The following COMMD7 variants were observed in gnomAD, a reference collection of about 807,000 sequenced individuals.
COMMD7 encodes the protein COMM domain containing 7.
COMMD7 carries 28 observed loss-of-function variants against 34.8 expected under a neutral mutation model. The observed-to-expected ratio is 0.80, with a 90% CI of 0.60 to 1.10. COMMD7 has a LOEUF of 1.10. Ranked by LOEUF, COMMD7 falls within the 50% of genes least tolerant of loss-of-function variation. The pLI, the probability that COMMD7 is intolerant of heterozygous loss-of-function variation, is 0.00. For synonymous variants in COMMD7, 80 were observed against 86.4 expected (o/e 0.93, Z 0.41); for missense variants, 211 against 241.6 (o/e 0.87, Z 0.84).
In COMMD7 at chr20:32,743,352, C is replaced by A. The variant is rs905442684; in HGVS notation, c.40G>T (p.Ala14Ser). The change falls in exon 1 of 9, where the codon GCC becomes TCC. Residue 14 changes from alanine to serine, a missense_variant. By Grantham distance (99) the Ala-to-Ser change is moderately conservative. Coordinates refer to ENST00000278980, the MANE Select transcript of COMMD7 (RefSeq NM_053041.3). ...LHCTEDPVPE[A>S]VGGDMQQLNQ... The stretch of plus-strand genomic sequence containing the variant: ...AGCTGCTGCATGTCGCCGCCCACGG[C>A]CTCCGGCACCGGGTCCTCAGTGCAG... The A allele has an allele frequency of 3.6e-5, 55 of 1,513,822 alleles. No homozygotes were observed. In the African/African-American group the frequency reaches 7.5e-4, roughly 21 times the overall value. 93.8% of individuals were successfully genotyped at this position (1,513,822 alleles called of 1,614,324 possible).
At chr20:32,741,988 G>C (rs796429843) in intron 1 of COMMD7, among the ~76,000 whole-genome samples, 20 of 152,194 alleles carry the variant, frequency 1.3e-4, no homozygotes, top group African/African-American at 4.6e-4. Flanking sequence ...AGGTGTTCAA[G>C]ACCAGCCTGG....
chr20:32,709,452 G>A (rs1450195323), intron 3 of COMMD7, among the ~76,000 whole-genome samples: 6 of 151,876 alleles, frequency 4.0e-5, no homozygotes, highest in Non-Finnish European at 8.8e-5. Flanking sequence ...CCAGGAGGGT[G>A]AGGCAGGAGA....
chr20:32,734,037 C>T (rs1258846800), intron 1 of COMMD7, among the ~76,000 whole-genome samples: 3 of 151,570 alleles, frequency 2.0e-5, no homozygotes, highest in Non-Finnish European at 4.4e-5. Context: ...AAAAATTAGC[C>T]AAGCGTGGTA....
At chr20:32,717,912 C>T (rs1984896983) in intron 3 of COMMD7, among the ~76,000 whole-genome samples, 1 of 151,672 alleles carries the variant, frequency 6.6e-6, no homozygotes, top group African/African-American at 2.4e-5. Flanking sequence ...TGGTAAAACC[C>T]CCTCTTGACC....
rs1212062852 is a variant in COMMD7 at position 32,723,076 on chromosome 20, TCCTCTCCCTCTC to T, written c.241+4805_241+4816del. On this transcript the variant is annotated intron_variant, in intron 3 of 8. Coordinates refer to ENST00000278980, the MANE Select transcript of COMMD7 (RefSeq NM_053041.3). ...TAATAATAATAATAAAGACTTGTGA[TCCTCTCCCTCTC>T]CCTCTCCCTCTCCGTCTCCCTCTCC... 1.1e-4 allele frequency among the ~76,000 whole-genome samples: 6 copies of T among 53,954 alleles called. 3 individuals are homozygous for T. The highest frequency in any genetic ancestry group is 4.5e-4 in the African/African-American group (6 of 13,276). 35.4% of individuals were successfully genotyped at this position (53,954 alleles called of 152,430 possible). A position where few individuals can be genotyped will look rare whatever the true frequency, so the allele number is the denominator to read the frequency against.
In COMMD7 at chr20:32,711,259, T is replaced by C. The variant is rs1205912117; in HGVS notation, c.242-4499A>G. ...TAAAAATACAAAAATTAGCTGGGCG[T>C]GGTGGCACACGCCTGTAGTCCCAGC... On this transcript the variant is annotated intron_variant, in intron 3 of 8. Coordinates refer to ENST00000278980, the MANE Select transcript of COMMD7 (RefSeq NM_053041.3). Among the ~76,000 whole-genome samples the C allele has an allele frequency of 2.0e-5, 3 of 151,706 alleles. No individual in the cohort carries two copies. The East Asian group carries it at 5.8e-4, about 30-fold the overall frequency.
intron 8 of COMMD7, chr20:32,703,793 A>G (rs1345203769): frequency 1.3e-6 from 2 of 1,526,754 alleles, no homozygotes; most frequent in South Asian, 1.2e-5. Flanking sequence ...TTCCGTTCCC[A>G]CCCTTTCCCT....
chr20:32,724,750 G>A lies in COMMD7; in HGVS notation c.241+3143C>T, dbSNP rs1338348827. ...ACAGATGCTTGAAGGCAGCATGCTC[G>A]TTAAGAGTCATCACCAATCCCTAAT... On this transcript the variant is annotated intron_variant, in intron 3 of 8. Transcript: ENST00000278980. 2.3e-3 allele frequency among the ~76,000 whole-genome samples: 30 copies of A among 13,076 alleles called. 7 individuals carry two copies. The highest frequency in any genetic ancestry group is 5.8e-3 in the Non-Finnish European group (26 of 4,446). 8.6% of individuals were successfully genotyped at this position (13,076 alleles called of 152,430 possible).
chr20:32,741,483 C>G (rs1986442877), intron 1 of COMMD7, among the ~76,000 whole-genome samples: 1 of 151,544 alleles, frequency 6.6e-6, no homozygotes, highest in African/African-American at 2.4e-5. Flanking sequence ...CTCCACCTCT[C>G]AGGTTCAGGC....
At chr20:32,704,602 G>C (rs1336753192) in intron 6 of COMMD7, 113 bp from the exon 7 acceptor site, 1 of 1,131,112 alleles carries the variant, frequency 8.8e-7, no homozygotes, top group African/African-American at 1.6e-5. Context: ...CCATGTGGGG[G>C]CAAGTATGAG....
At chr20:32,705,362 A>G (rs867591232) in intron 5 of COMMD7, among the ~76,000 whole-genome samples, 284 of 119,110 alleles carry the variant, frequency 2.4e-3, no homozygotes, top group African/African-American at 8.6e-3. Context: ...GTGTGTGTAT[A>G]TATATATATA....
intron 3 of COMMD7, among the ~76,000 whole-genome samples, chr20:32,715,171 A>T (rs893709558): frequency 6.6e-5 from 10 of 151,014 alleles, no homozygotes; most frequent in African/African-American, 2.2e-4. Context: ...TAGTCTCAAA[A>T]AATAATAATA....
intron 1 of COMMD7, 71 bp downstream of exon 1, chr20:32,743,237 T>TGGCCCCCC: frequency 1.9e-6 from 1 of 526,956 alleles, no homozygotes. Context: ...CCCCCGGACG[T>TGGCCCCCC]CCCCCCCACC....
Position 32,728,212 on chromosome 20 carries a change from A to ATG in COMMD7, c.85-71_85-70insCA, listed in dbSNP as rs1600996042. The ATG allele has an allele frequency of 7.5e-4, 1,068 of 1,426,800 alleles. 29 individuals are homozygous for ATG. In the East Asian group the frequency reaches 0.024, roughly 32 times the overall value. The allele number at this position is 1,426,800 out of a possible 1,614,324, so 88.4% of individuals were successfully genotyped here. A position where few individuals can be genotyped will look rare whatever the true frequency, so the allele number is the denominator to read the frequency against. ...GGGTCAGCATGCCCCACCCCAGGCA[A>ATG]CTGCATAGCCTTGAGAGGGAAGAAC... On this transcript the variant is annotated intron_variant, in intron 1 of 8. Coordinates refer to ENST00000278980, the MANE Select transcript of COMMD7 (RefSeq NM_053041.3).
At chr20:32,728,897 C>T (rs1985679106) in intron 1 of COMMD7, among the ~76,000 whole-genome samples, 2 of 152,102 alleles carry the variant, frequency 1.3e-5, no homozygotes, top group South Asian at 2.1e-4. Flanking sequence ...CACCCATAAA[C>T]ATCTCGTTAC....
chr20:32,734,749 G>T (rs1986047369), intron 1 of COMMD7, among the ~76,000 whole-genome samples: 1 of 151,902 alleles, frequency 6.6e-6, no homozygotes, highest in Admixed American at 6.6e-5. Flanking sequence ...CCAACATAAT[G>T]AAACCCCATG....
chr20:32,713,049 CT>C (rs1318989294), intron 3 of COMMD7, among the ~76,000 whole-genome samples: 1,897 of 134,288 alleles, frequency 0.014, 10 homozygotes, highest in African/African-American at 0.015. Flanking sequence ...TTTTTAATTT[CT>C]TTTTTTTTTT....
In COMMD7 at chr20:32,725,431, G is replaced by GTTTTTTT. The variant is rs56381432; in HGVS notation, c.241+2455_241+2461dup. ...TCTCTATAGCTCTATACTGTGTTTT[G>GTTTTTTT]TTTTTTTTTTTTTTTGAGACGGAGT... On this transcript the variant is annotated intron_variant, in intron 3 of 8. Transcript: ENST00000278980. 4.6e-5 allele frequency among the ~76,000 whole-genome samples: 6 copies of GTTTTTTT among 129,950 alleles called. 2 individuals carry two copies. The highest frequency in any genetic ancestry group is 9.5e-5 in the Non-Finnish European group (6 of 63,186). 85.3% of individuals were successfully genotyped at this position (129,950 alleles called of 152,430 possible).
Position 32,704,810 on chromosome 20 carries a change from T to C in COMMD7, c.427+4A>G. 3.7e-6 allele frequency: 6 copies of C among 1,609,712 alleles called. 1 individual carries two copies. In the Middle Eastern group the frequency reaches 6.6e-4, roughly 177 times the overall value. On this transcript the variant is annotated splice_donor_region_variant and intron_variant, in intron 6 of 8. Coordinates refer to ENST00000278980, the MANE Select transcript of COMMD7 (RefSeq NM_053041.3). ...ATAACCCAGGACTGGTTGTAACTAG[T>C]TACCTCCAAATTTCCACTCCATATC...
Sources: gnomAD v4.1 joint callset for allele counts (sites outside exome capture counted in the v4.1 genomes callset) on GRCh38, gnomAD v4.1.1 for gene constraint, MANE v1.5 for transcripts, NCBI Gene and HGNC (gene_info 2026-07-23, HGNC 2026-07-21) for gene names.